Variants in SHLD1 observed in about 807,000 individuals in gnomAD.
SHLD1 encodes shieldin complex subunit 1, also known as RINN1-REV7-interacting novel NHEJ regulator 3.
Under a neutral mutation model 5.5 loss-of-function variants are expected in SHLD1, and 3 were observed. That is an observed-to-expected ratio of 0.54 (90% CI 0.25 to 1.40). The LOEUF is 1.40. SHLD1 is among the 40% of genes most tolerant of loss of function. SHLD1 has a pLI of 0.15. For synonymous variants in SHLD1, 92 were observed against 94.3 expected (o/e 0.98, Z 0.14); for missense variants, 210 against 244.4 (o/e 0.86, Z 0.94).
At chr20:5,756,108 G>C (rs1056832578) in intron 1 of SHLD1, among the ~76,000 whole-genome samples, 1 of 152,030 alleles carries the variant, frequency 6.6e-6, no homozygotes, top group African/African-American at 2.4e-5. Flanking sequence ...ACTTCGAAGA[G>C]AGAAAAGTAT....
At chr20:5,840,356 T>G (rs754193600) in intron 2 of SHLD1, among the ~76,000 whole-genome samples, 4 of 152,212 alleles carry the variant, frequency 2.6e-5, no homozygotes, top group African/African-American at 4.8e-5. Flanking sequence ...ATGGAAACTT[T>G]CCATTTCCAG....
intron 2 of SHLD1, among the ~76,000 whole-genome samples, chr20:5,817,681 C>G (rs2087554580): frequency 6.7e-6 from 1 of 148,396 alleles, no homozygotes; most frequent in African/African-American, 2.4e-5. Context: ...GGAAGTTGTT[C>G]AGCTCACAGC....
chr20:5,836,384 G>T (rs570769990), intron 2 of SHLD1, among the ~76,000 whole-genome samples: 1 of 152,220 alleles, frequency 6.6e-6, no homozygotes, highest in African/African-American at 2.4e-5. Flanking sequence ...ACAATATCAT[G>T]GAATATTTTA....
intron 2 of SHLD1, among the ~76,000 whole-genome samples, chr20:5,862,754 T>A (rs1015622796): frequency 6.6e-6 from 1 of 152,202 alleles, no homozygotes; most frequent in Non-Finnish European, 1.5e-5. Context: ...ATTTTTTACA[T>A]CCAAGTTCAC....
Position 5,855,668 on chromosome 20 carries a change from G to A in SHLD1, c.179-7356G>A, listed in dbSNP as rs1176255679. On this transcript the variant is annotated intron_variant, in intron 2 of 2. Coordinates refer to ENST00000303142, the MANE Select transcript of SHLD1 (RefSeq NM_152504.4). This position sits in a 1 kb window ranked among gnomAD's most constrained non-coding sequence, Gnocchi z 4.4. ...ATTATAGACATGAGCCGCCGCACCT[G>A]GCCTGCCAACCACATTTTATTTATC... is the stretch of plus-strand genomic sequence containing the variant. 6.6e-6 allele frequency among the ~76,000 whole-genome samples: 1 copy of A among 152,164 alleles called. No individual in the cohort carries two copies. The highest frequency in any genetic ancestry group is 1.5e-5 in the Non-Finnish European group (1 of 68,040).
chr20:5,771,290 A>G (rs1029483707), intron 1 of SHLD1, among the ~76,000 whole-genome samples: 1 of 152,154 alleles, frequency 6.6e-6, no homozygotes, highest in Admixed American at 6.5e-5. Flanking sequence ...CTTGCTGTGT[A>G]TGGTATCTTT....
At position 5,824,112 on chromosome 20, in the gene SHLD1, C is replaced by T. The variant is rs1327077864; in HGVS notation, c.179-38912C>T. ...CTCTGGGCCCCACAGGATCTGGCTT[C>T]TCCCTGCCTGGCTGTGACTGCTTCT... On this transcript the variant is annotated intron_variant, in intron 2 of 2. Coordinates refer to ENST00000303142, the MANE Select transcript of SHLD1 (RefSeq NM_152504.4). 3.9e-5 allele frequency among the ~76,000 whole-genome samples: 6 copies of T among 152,362 alleles called. No homozygotes were observed. The East Asian group carries it at 1.2e-3, about 29-fold the overall frequency.
In SHLD1 at chr20:5,863,310, C is replaced by T. The variant is rs775764021; in HGVS notation, c.465C>T (p.Asp155=). The T allele has an allele frequency of 2.0e-5, 33 of 1,614,078 alleles. No homozygotes were observed. In the Admixed American group the frequency reaches 2.2e-4, roughly 11 times the overall value. Residue 155 remains aspartate, a synonymous_variant, in exon 3 of 3, where the codon GAC becomes GAT. Transcript: ENST00000303142. The stretch of plus-strand genomic sequence containing the variant: ...TGGCCCGGGTGATCTTCAACCGGGA[C>T]GGCTGCTCCGTCTTACAGAGGCATT... The part of the protein sequence containing the change: ...FQMARVIFNR[D]GCSVLQRHSR...
At position 5,855,166 on chromosome 20, in the gene SHLD1, T is replaced by A. The variant is rs148829725; in HGVS notation, c.179-7858T>A. Among the ~76,000 whole-genome samples the A allele has an allele frequency of 0.013, 2,008 of 151,906 alleles. 20 individuals carry two copies. The highest frequency in any genetic ancestry group is 0.034 in the Middle Eastern group (10 of 290). On this transcript the variant is annotated intron_variant, in intron 2 of 2. Transcript: ENST00000303142. This position sits in a 1 kb window ranked among gnomAD's most constrained non-coding sequence, Gnocchi z 4.4. ...GTGCTGGGATTACAGGTGTGAGCCATAGCACCCAACCCTGTCTCTATAAAT... is the reference window on the plus strand; with the variant it reads ...GTGCTGGGATTACAGGTGTGAGCCAAAGCACCCAACCCTGTCTCTATAAAT...
intron 2 of SHLD1, among the ~76,000 whole-genome samples, chr20:5,788,976 T>C (rs6038280): frequency 0.046 from 7,051 of 151,636 alleles, 533 homozygotes; most frequent in African/African-American, 0.16. Context: ...CTACTAAAAA[T>C]ACAAAAAATT....
At chr20:5,763,467 A>C (rs1027083432) in intron 1 of SHLD1, among the ~76,000 whole-genome samples, 2 of 152,132 alleles carry the variant, frequency 1.3e-5, no homozygotes, top group Non-Finnish European at 2.9e-5. Flanking sequence ...CTACAGGTAA[A>C]AGGTTAAATA....
At chr20:5,816,700 C>T (rs1372526689) in intron 2 of SHLD1, among the ~76,000 whole-genome samples, 1 of 152,108 alleles carries the variant, frequency 6.6e-6, no homozygotes, top group African/African-American at 2.4e-5. Flanking sequence ...GATTAAAATG[C>T]CTGACAGTAT....
chr20:5,822,182 G>T (rs2087613532), intron 2 of SHLD1, among the ~76,000 whole-genome samples: 1 of 152,140 alleles, frequency 6.6e-6, no homozygotes, highest in Non-Finnish European at 1.5e-5. Context: ...TCAAAGCCAG[G>T]CATGGTGGCT....
chr20:5,849,599 A>G (rs2087975559), intron 2 of SHLD1, among the ~76,000 whole-genome samples: 1 of 152,182 alleles, frequency 6.6e-6, no homozygotes, highest in African/African-American at 2.4e-5. Flanking sequence ...GTGTCATAAT[A>G]CATGTATACA....
At chr20:5,818,524 T>G (rs6139846) in intron 2 of SHLD1, among the ~76,000 whole-genome samples, 52,682 of 152,082 alleles carry the variant, frequency 0.35, 10,844 homozygotes, top group Non-Finnish European at 0.45. Flanking sequence ...TTTTATAGGT[T>G]AAATAATGCA....
chr20:5,778,149 T>C lies in SHLD1; in HGVS notation c.178+5106T>C, dbSNP rs371194923. ...TTTTTTTTTTTGAGACAGAGTCTCG[T>C]TCTGTCGCCCAGGCTGGAGTGCAGT... On this transcript the variant is annotated intron_variant, in intron 2 of 2. Coordinates refer to ENST00000303142, the MANE Select transcript of SHLD1 (RefSeq NM_152504.4). Among the ~76,000 whole-genome samples the C allele has an allele frequency of 4.5e-4, 64 of 142,720 alleles. No individual in the cohort carries two copies. In the East Asian group the frequency reaches 0.012, roughly 28 times the overall value. The allele number at this position is 142,720 out of a possible 152,430, so 93.6% of individuals were successfully genotyped here.
chr20:5,750,659 G>A (rs1013830722), intron 1 of SHLD1, among the ~76,000 whole-genome samples, 180 bp downstream of exon 1: 6 of 152,030 alleles, frequency 3.9e-5, no homozygotes, highest in Non-Finnish European at 8.8e-5. Flanking sequence ...GTGCTTTGGG[G>A]AATTTTGGGA....
chr20:5,853,637 A>G (rs2088041147), intron 2 of SHLD1, among the ~76,000 whole-genome samples: 1 of 152,008 alleles, frequency 6.6e-6, no homozygotes, highest in Non-Finnish European at 1.5e-5. Context: ...TTTATTACTG[A>G]TGTAAGTATA....
intron 1 of SHLD1, among the ~76,000 whole-genome samples, chr20:5,771,273 T>C (rs1010089956): frequency 6.6e-6 from 1 of 152,226 alleles, no homozygotes; most frequent in Non-Finnish European, 1.5e-5. Flanking sequence ...TTTATTGCAA[T>C]TGAAGACTTG....
Sources: gnomAD v4.1 joint callset for allele counts (sites outside exome capture counted in the v4.1 genomes callset) on GRCh38, gnomAD v4.1.1 for gene constraint, Gnocchi (gnomAD v3.1) non-coding constraint, MANE v1.5 for transcripts, NCBI Gene and HGNC (gene_info 2026-07-23, HGNC 2026-07-21) for gene names.